Variants in SOX5 observed in about 807,000 individuals in gnomAD.
SOX5 encodes transcription factor SOX-5.
SOX5 carries 9 observed loss-of-function variants against 92.0 expected under a neutral mutation model. The observed-to-expected ratio is 0.10, with a 90% CI of 0.06 to 0.17. SOX5 has a LOEUF of 0.17. Ranked by LOEUF, SOX5 falls within the 10% of genes least tolerant of loss-of-function variation. The pLI is 1.00. For missense variants in SOX5, 642 were observed against 944.5 expected (o/e 0.68, Z 4.20); for synonymous variants, 344 against 336.3 (o/e 1.02, Z -0.25).
At chr12:23,577,449 T>C (rs1487159926) in intron 9 of SOX5, among the ~76,000 whole-genome samples, 2 of 151,872 alleles carry the variant, frequency 1.3e-5, no homozygotes, top group African/African-American at 2.4e-5. Context: ...TCTGCCTGCG[T>C]TGGCCTCCCA....
intron 1 of SOX5, among the ~76,000 whole-genome samples, chr12:24,541,657 C>T (rs1165335811): frequency 6.6e-6 from 1 of 152,140 alleles, no homozygotes; most frequent in African/African-American, 2.4e-5. Flanking sequence ...AAAATAAACA[C>T]ACTTGTTGTC....
chr12:24,154,313 C>A (rs1457606984), intron 4 of SOX5, among the ~76,000 whole-genome samples: 1 of 152,148 alleles, frequency 6.6e-6, no homozygotes, highest in Non-Finnish European at 1.5e-5. Flanking sequence ...ATAAGGCATT[C>A]TCAGCCCTGC....
At chr12:24,463,757 C>T (rs375074691) in intron 1 of SOX5, among the ~76,000 whole-genome samples, 1 of 152,174 alleles carries the variant, frequency 6.6e-6, no homozygotes, top group Non-Finnish European at 1.5e-5. Flanking sequence ...CTCATTCACT[C>T]GCCACAATTT....
At chr12:24,283,807 A>T (rs1044240486) in intron 2 of SOX5, among the ~76,000 whole-genome samples, 1 of 152,242 alleles carries the variant, frequency 6.6e-6, no homozygotes. Flanking sequence ...ATATGTGCCG[A>T]AAGCCATTAA....
intron 1 of SOX5, among the ~76,000 whole-genome samples, chr12:24,486,212 T>A (rs1946507751): frequency 6.6e-6 from 1 of 152,142 alleles, no homozygotes; most frequent in African/African-American, 2.4e-5. Context: ...GCTGGGATTA[T>A]AGACATAAGC....
rs76254208 is a variant in SOX5 at position 24,410,241 on chromosome 12, G to A, written c.-250-41602C>T. On this transcript the variant is annotated intron_variant, in intron 1 of 4. Coordinates refer to the SOX5 transcript ENST00000446891. ...TCCAACTCCTGAGTTCAATTGATCC[G>A]CTTGCCTCGGCCTCCCAAAGTTCTG... Among the ~76,000 whole-genome samples, 41 of 152,126 alleles carry A rather than the reference G, an allele frequency of 2.7e-4. No individual in the cohort carries two copies. The East Asian group carries it at 6.6e-3, about 24-fold the overall frequency.
intron 4 of SOX5, among the ~76,000 whole-genome samples, chr12:24,099,536 A>G (rs1306918258): frequency 6.6e-6 from 1 of 152,132 alleles, no homozygotes; most frequent in East Asian, 1.9e-4. Flanking sequence ...AGGGTGTGAC[A>G]TGGAACAAAG....
chr12:24,453,564 T>C (rs1158761546), intron 1 of SOX5, among the ~76,000 whole-genome samples: 2 of 152,214 alleles, frequency 1.3e-5, no homozygotes, highest in Non-Finnish European at 2.9e-5. Flanking sequence ...GGTGTTGCAA[T>C]TCATTTGTAA....
chr12:23,674,359 C>T (rs1206574291), intron 6 of SOX5, among the ~76,000 whole-genome samples: 43 of 11,684 alleles, frequency 3.7e-3, no homozygotes, highest in East Asian at 0.03. Context: ...TTTTTTGAGA[C>T]GGAGTTTCGC....
chr12:23,746,664 A>G (rs1227773028), intron 4 of SOX5, among the ~76,000 whole-genome samples: 1 of 152,120 alleles, frequency 6.6e-6, no homozygotes, highest in Non-Finnish European at 1.5e-5. Flanking sequence ...CCATAAAAGC[A>G]GCACATGTCA....
At chr12:23,767,028 T>G (rs1004890409) in intron 3 of SOX5, among the ~76,000 whole-genome samples, 2 of 152,008 alleles carry the variant, frequency 1.3e-5, no homozygotes, top group Non-Finnish European at 2.9e-5. Context: ...TGGGCAAAAT[T>G]GAGAGACCTT....
At chr12:24,162,663 A>G (rs1952893012) in intron 4 of SOX5, among the ~76,000 whole-genome samples, 1 of 152,142 alleles carries the variant, frequency 6.6e-6, no homozygotes, top group Non-Finnish European at 1.5e-5. Flanking sequence ...ATCCTCTGGG[A>G]AAACAAACTA....
intron 4 of SOX5, among the ~76,000 whole-genome samples, chr12:24,033,518 C>G (rs1298618631): frequency 1.3e-5 from 2 of 151,904 alleles, no homozygotes; most frequent in Non-Finnish European, 2.9e-5. Context: ...CAATTTTCTG[C>G]AGCATCAAAA....
intron 1 of SOX5, among the ~76,000 whole-genome samples, chr12:24,436,195 C>T (rs1939395507): frequency 1.3e-5 from 2 of 152,196 alleles, no homozygotes; most frequent in African/African-American, 2.4e-5. Context: ...TCTCACTTTA[C>T]ATCAAGACCT....
chr12:23,967,366 C>T (rs968659779), intron 4 of SOX5, among the ~76,000 whole-genome samples: 11 of 151,478 alleles, frequency 7.3e-5, no homozygotes, highest in Admixed American at 6.6e-4. Context: ...TAAATATACA[C>T]AAATAGAAAA....
At chr12:23,820,218 A>G (rs919476284) in intron 3 of SOX5, among the ~76,000 whole-genome samples, 11 of 152,196 alleles carry the variant, frequency 7.2e-5, no homozygotes, top group Middle Eastern at 3.4e-3. Flanking sequence ...TGGCCGCATA[A>G]ATGTCTTCTT....
intron 1 of SOX5, among the ~76,000 whole-genome samples, chr12:24,461,437 A>G (rs1289546143): frequency 6.6e-6 from 1 of 152,164 alleles, no homozygotes; most frequent in East Asian, 1.9e-4. Flanking sequence ...AATGCATAAA[A>G]CCATGGGTCA....
intron 8 of SOX5, among the ~76,000 whole-genome samples, chr12:23,609,122 C>T (rs577232010): frequency 6.6e-6 from 1 of 152,098 alleles, no homozygotes; most frequent in South Asian, 2.1e-4. Context: ...AAAAGAAAGG[C>T]ATGAGAGCAG....
At chr12:24,172,742 G>A (rs964140638) in intron 4 of SOX5, among the ~76,000 whole-genome samples, 1 of 152,124 alleles carries the variant, frequency 6.6e-6, no homozygotes, top group East Asian at 1.9e-4. Context: ...GAGGATGTGA[G>A]ATTTTAAACA....
Sources: gnomAD v4.1 joint callset for allele counts (sites outside exome capture counted in the v4.1 genomes callset) on GRCh38, gnomAD v4.1.1 for gene constraint, MANE v1.5 for transcripts, NCBI Gene and HGNC (gene_info 2026-07-23, HGNC 2026-07-21) for gene names.